RAPGEF6: variants seen among roughly 807,000 people sequenced by gnomAD.
RAPGEF6 encodes the protein Rap guanine nucleotide exchange factor 6.
RAPGEF6 carries 56 observed loss-of-function variants against 171.4 expected under a neutral mutation model. The ratio of observed to expected loss-of-function variants is 0.33; its 90% confidence interval spans 0.26 to 0.41. RAPGEF6 has a LOEUF of 0.41. Ranked by LOEUF, RAPGEF6 falls within the 10% of genes least tolerant of loss-of-function variation. The probability of loss-of-function intolerance (pLI) is 1.00; values close to 1 mark genes in which losing one functional copy is unlikely to be tolerated. For missense variants in RAPGEF6, 1,674 were observed against 1,921.4 expected, an observed-to-expected ratio of 0.87 and a Z score of 2.41; for synonymous variants, 692 against 650.1, an observed-to-expected ratio of 1.06 and a Z score of -0.98.
rs1390475142 is a variant in RAPGEF6, at chr5:131,498,503, A to C, written c.1359T>G (p.Ser453Arg). The C allele has an allele frequency of 6.8e-6, 11 of 1,613,870 alleles. No homozygotes were observed. The highest frequency in any genetic ancestry group is 8.5e-6 in the Non-Finnish European group (10 of 1,179,958). The part of the protein sequence containing the change: ...FLLTYRTFLE[S>R]PLDVGIKLLE... ...ATAGTTTGATCCCAACATCCAAAGG[A>C]CTTTCAAGAAATGTCCTGTAAGTTA... The change falls in exon 12 of 28, where the codon AGT (serine) becomes AGG (arginine). Residue 453 changes from serine to arginine, a missense_variant. Coordinates refer to ENST00000509018, the MANE Select transcript of RAPGEF6 (RefSeq NM_016340.6).
chr5:131,522,242 A>G (rs1758546523), intron 6 of RAPGEF6, among the ~76,000 whole-genome samples: 1 of 152,180 alleles, frequency 6.6e-6, no homozygotes, highest in Non-Finnish European at 1.5e-5. Context: ...CAGGCTGTAC[A>G]ATATATTTCA....
chr5:131,480,670 G>A (rs903837522), intron 15 of RAPGEF6, among the ~76,000 whole-genome samples: 2 of 151,986 alleles, frequency 1.3e-5, no homozygotes, highest in Non-Finnish European at 2.9e-5. Context: ...GTAGAAATAC[G>A]GTTTCCCCAT....
rs190042919 is a variant in RAPGEF6 at position 131,615,920 on chromosome 5, G to T, written c.70-11227C>A. 1.1e-4 allele frequency among the ~76,000 whole-genome samples: 17 copies of T among 151,864 alleles called. No homozygotes were observed. In the East Asian group the frequency reaches 2.9e-3, roughly 26 times the overall value. On this transcript the variant is annotated intron_variant, in intron 1 of 27. Coordinates refer to ENST00000509018, the MANE Select transcript of RAPGEF6 (RefSeq NM_016340.6). The stretch of plus-strand genomic sequence containing the variant: ...TGTCTCAATTAAAAAAAAAAAGAGG[G>T]AAGTCATGAGAAGGGTGGGAAAACT...
intron 17 of RAPGEF6, 29 bp downstream of exon 17, chr5:131,472,558 G>A (rs201830185): frequency 4.0e-5 from 64 of 1,599,596 alleles, no homozygotes; most frequent in Non-Finnish European, 1.2e-5. Flanking sequence ...GTACCAATAC[G>A]GCAATATAAA....
chr5:131,596,522 T>C (rs1387777783), intron 3 of RAPGEF6, among the ~76,000 whole-genome samples: 2 of 151,886 alleles, frequency 1.3e-5, no homozygotes, highest in Non-Finnish European at 1.5e-5. Context: ...CTTTCAGCAA[T>C]GGACAGATCG....
chr5:131,594,456 C>A (rs1407266234), intron 3 of RAPGEF6, among the ~76,000 whole-genome samples: 6 of 152,226 alleles, frequency 3.9e-5, no homozygotes, highest in East Asian at 1.9e-4. Context: ...AGAGGCAGAG[C>A]CCTCATGGAG....
At chr5:131,501,736 G>A (rs1316887574) in intron 11 of RAPGEF6, among the ~76,000 whole-genome samples, 2 of 152,036 alleles carry the variant, frequency 1.3e-5, no homozygotes, top group African/African-American at 4.8e-5. Flanking sequence ...TATAACAAGA[G>A]GCATTGTTGG....
At chr5:131,538,436 GGTAA>G (rs1759917703) in intron 6 of RAPGEF6, among the ~76,000 whole-genome samples, 1 of 152,036 alleles carries the variant, frequency 6.6e-6, no homozygotes, top group Non-Finnish European at 1.5e-5. Context: ...GTAACACAAT[GGTAA>G]GTATTTGTGT....
rs773348096 is a variant in RAPGEF6 at position 131,492,665 on chromosome 5, T to C, written c.1648A>G (p.Ser550Gly). The C allele has an allele frequency of 6.2e-7, 1 of 1,614,106 alleles. No individual in the cohort carries two copies. ...ACAAAAATACCAAATCCCTTCTCAC[T>C]CCCTCCATTAAGGCTGAATTGTAGA... ...SPLQFSLNGG[S>G]EKGFGIFVEG... Residue 550 changes from serine (S) to glycine (G), a missense_variant, in exon 14 of 28, where the codon AGT becomes GGT. Ser to Gly is a moderately conservative substitution (Grantham distance 56). This residue lies in a region of RAPGEF6 where 1,116 missense variants were observed against 1,321.5 expected (regional missense o/e 0.84). Transcript: ENST00000509018.
chr5:131,612,432 A>C (rs1449150787), intron 1 of RAPGEF6, among the ~76,000 whole-genome samples: 2 of 152,022 alleles, frequency 1.3e-5, no homozygotes, highest in Non-Finnish European at 2.9e-5. Flanking sequence ...GATTTTTGGT[A>C]GGTAAGGTAT....
At chr5:131,524,568 AGAG>A (rs1292895264) in intron 6 of RAPGEF6, among the ~76,000 whole-genome samples, 1 of 147,648 alleles carries the variant, frequency 6.8e-6, no homozygotes, top group Non-Finnish European at 1.5e-5. Context: ...AGGGAGAGGG[AGAG>A]GAGGAGAGAG....
At chr5:131,534,220 C>A (rs1759601043) in intron 6 of RAPGEF6, among the ~76,000 whole-genome samples, 1 of 151,994 alleles carries the variant, frequency 6.6e-6, no homozygotes, top group African/African-American at 2.4e-5. Flanking sequence ...TAACAAAGGA[C>A]TCCACTGACT....
At chr5:131,462,298 A>G (rs542044572) in intron 18 of RAPGEF6, among the ~76,000 whole-genome samples, 1 of 152,354 alleles carries the variant, frequency 6.6e-6, no homozygotes, top group African/African-American at 2.4e-5. Context: ...TCTATTAAAG[A>G]GTAAAAATAA....
chr5:131,438,461 TCTCTCCTG>T (rs1752167783), intron 24 of RAPGEF6, among the ~76,000 whole-genome samples: 1 of 152,208 alleles, frequency 6.6e-6, no homozygotes, highest in Non-Finnish European at 1.5e-5. Context: ...TGGAAGCTTC[TCTCTCCTG>T]TTAGAATTAT....
At chr5:131,508,248 A>G in intron 8 of RAPGEF6, 41 bp from the exon 9 acceptor site, 1 of 1,516,080 alleles carries the variant, frequency 6.6e-7, no homozygotes, top group Non-Finnish European at 8.8e-7. Flanking sequence ...ACCATCGAGG[A>G]CTATACCTTA....
At chr5:131,528,627 A>G (rs1580976221) in intron 6 of RAPGEF6, among the ~76,000 whole-genome samples, 1 of 152,282 alleles carries the variant, frequency 6.6e-6, no homozygotes, top group East Asian at 1.9e-4. Flanking sequence ...TTGAAACCAC[A>G]GAGAAGCTTT....
chr5:131,599,140 G>A (rs1452833153), intron 3 of RAPGEF6, among the ~76,000 whole-genome samples: 2 of 151,996 alleles, frequency 1.3e-5, no homozygotes, highest in South Asian at 2.1e-4. Context: ...GTGAAACCCC[G>A]TCTTTACTAA....
intron 7 of RAPGEF6, among the ~76,000 whole-genome samples, chr5:131,516,059 T>C (rs1758056279): frequency 2.8e-4 from 1 of 3,556 alleles, no homozygotes; most frequent in African/African-American, 1.1e-3. Context: ...TTTTTTTTTT[T>C]TTTTTTTTTT....
intron 4 of RAPGEF6, among the ~76,000 whole-genome samples, chr5:131,564,104 CG>C (rs746752781): frequency 6.6e-6 from 1 of 152,142 alleles, no homozygotes; most frequent in African/African-American, 2.4e-5. Flanking sequence ...GCAAGAGAAG[CG>C]TAACACAGCC....
Sources: allele counts gnomAD v4.1 joint callset (sites outside exome capture counted in the v4.1 genomes callset), GRCh38; gene constraint gnomAD v4.1.1; regional missense constraint gnomAD v4.1.1; transcripts MANE v1.5; gene names NCBI Gene and HGNC (gene_info 2026-07-23, HGNC 2026-07-21).